PIGBOS1: variants seen among roughly 807,000 people sequenced by gnomAD.
PIGBOS1 encodes the protein protein PIGBOS1.
rs1277655788 is a variant in PIGBOS1, at chr15:55,317,730, T to A, written c.63A>T (p.Gly21=). 1.0e-5 allele frequency: 4 copies of A among 398,462 alleles called. No homozygotes were observed. Among genetic ancestry groups the A allele is most frequent in the Non-Finnish European group, 1.8e-5 (4 of 226,056 alleles). 24.7% of individuals were successfully genotyped at this position (398,462 alleles called of 1,614,324 possible). Residue 21 remains glycine (G), a synonymous_variant, in exon 2 of 2, where the codon GGA becomes GGT. Coordinates refer to ENST00000436697, the MANE Select transcript of PIGBOS1 (RefSeq NM_001308421.2). The part of the protein sequence containing the change: ...LFATVLGIAG[G]VYIFQPVFEQ... ...CAAATACTGGTTGAAAAATATATAC[T>A]CCTCCAGCAATTCCAAGGACAGTGG...
rs756155343 is a variant in PIGBOS1, at chr15:55,317,716, T to C, written c.77A>G (p.Gln26Arg). ...TTTGGCATACTGTTCAAATACTGGTTGAAAAATATATACTCCTCCAGCAAT... is the reference window on the plus strand; with the variant it reads ...TTTGGCATACTGTTCAAATACTGGTCGAAAAATATATACTCCTCCAGCAAT... Reference protein sequence around the residue: ...LGIAGGVYIFQPVFEQYAKDQ... With the variant: ...LGIAGGVYIFRPVFEQYAKDQ... Residue 26 changes from glutamine to arginine, a missense_variant, in exon 2 of 2, where the codon CAA (glutamine) becomes CGA (arginine). Gln to Arg is a conservative substitution (Grantham distance 43, BLOSUM62 1). Coordinates refer to ENST00000436697, the MANE Select transcript of PIGBOS1 (RefSeq NM_001308421.2). The C allele has an allele frequency of 5.0e-6, 2 of 398,536 alleles. No homozygotes were observed. The highest frequency in any genetic ancestry group is 8.8e-6 in the Non-Finnish European group (2 of 226,072). The allele number at this position is 398,536 out of a possible 1,614,324, so 24.7% of individuals were successfully genotyped here. A position where few individuals can be genotyped will look rare whatever the true frequency, so the allele number is the denominator to read the frequency against.
Position 55,318,986 on chromosome 15 carries a change from T to G in PIGBOS1, c.-198A>C, listed in dbSNP as rs974932117. The G allele has an allele frequency of 2.3e-6, 1 of 435,002 alleles. No homozygotes were observed. The highest frequency in any genetic ancestry group is 3.3e-5 in the South Asian group (1 of 30,106). 26.9% of individuals were successfully genotyped at this position (435,002 alleles called of 1,614,324 possible). On this transcript the variant is annotated 5_prime_UTR_variant, in exon 1 of 2. Transcript: ENST00000436697. The stretch of plus-strand genomic sequence containing the variant: ...CTAAACTCGCTACCGCCTGCTCCCC[T>G]CCAGAGACCGGGGGCCTTCCAGCAG...
rs971863124 is a variant in PIGBOS1, at chr15:55,319,060, A to G, written c.-272T>C. On this transcript the variant is annotated 5_prime_UTR_variant, in exon 1 of 2. Coordinates refer to ENST00000436697, the MANE Select transcript of PIGBOS1 (RefSeq NM_001308421.2). ...ACCGCCAAGCCAAAGGCGAGTAGCA[A>G]TCCCTCGGTTCGGAAACGGCGAAAG... 1 of 643,180 alleles carries G rather than the reference A, an allele frequency of 1.6e-6. No homozygotes were observed. 39.8% of individuals were successfully genotyped at this position (643,180 alleles called of 1,614,324 possible).
intron 1 of PIGBOS1, 104 bp downstream of exon 1, chr15:55,318,760 A>C (rs2055090862): frequency 6.5e-6 from 1 of 152,824 alleles, no homozygotes; most frequent in Non-Finnish European, 1.5e-5. Flanking sequence ...CAACAACAAA[A>C]AAAATAGGAA....
rs190590233 is a variant in PIGBOS1, at chr15:55,317,423, T to C, written c.*205A>G. 118 of 240,470 alleles carry C rather than the reference T, an allele frequency of 4.9e-4. 1 individual carries two copies. The East Asian group carries it at 6.8e-3, about 14-fold the overall frequency. The allele number at this position is 240,470 out of a possible 1,614,324, so 14.9% of individuals were successfully genotyped here. A position where few individuals can be genotyped will look rare whatever the true frequency, so the allele number is the denominator to read the frequency against. ...TCTGCCTCCCAGGTTCAAGTGATGC[T>C]CCTGCCTCAGCCTCCCAAGTAGCTG... On this transcript the variant is annotated 3_prime_UTR_variant, in exon 2 of 2. Coordinates refer to ENST00000436697, the MANE Select transcript of PIGBOS1 (RefSeq NM_001308421.2).
chr15:55,318,098 CTTTTTT>C (rs200901102), intron 1 of PIGBOS1, among the ~76,000 whole-genome samples: 5 of 131,416 alleles, frequency 3.8e-5, no homozygotes, highest in Admixed American at 7.4e-5. Flanking sequence ...CATACTTTTT[CTTTTTT>C]TTTTTTTTTT....
chr15:55,318,545 A>C (rs1305306504), intron 1 of PIGBOS1, among the ~76,000 whole-genome samples: 1 of 151,234 alleles, frequency 6.6e-6, no homozygotes, highest in Non-Finnish European at 1.5e-5. Flanking sequence ...TCTACAAAAA[A>C]ACACAAAAAT....
chr15:55,317,797 G>T lies in PIGBOS1; in HGVS notation c.-5C>A. 2.5e-6 allele frequency: 1 copy of T among 398,004 alleles called. No individual in the cohort carries two copies. The highest frequency in any genetic ancestry group is 4.4e-6 in the Non-Finnish European group (1 of 225,672). The allele number at this position is 398,004 out of a possible 1,614,324, so 24.7% of individuals were successfully genotyped here. On this transcript the variant is annotated 5_prime_UTR_variant, in exon 2 of 2. Transcript: ENST00000436697. ...AAAAGTCAATCTCCTAAACATTGCT[G>T]CAACAAATACAGCTCAAGGAAAAGC...
rs1198804032 is a variant in PIGBOS1, at chr15:55,318,984, C to A, written c.-196G>T. The A allele has an allele frequency of 6.9e-6, 3 of 432,094 alleles. No individual in the cohort carries two copies. Among genetic ancestry groups the A allele is most frequent in the Non-Finnish European group, 1.3e-5 (3 of 239,436 alleles). 26.8% of individuals were successfully genotyped at this position (432,094 alleles called of 1,614,324 possible). A position where few individuals can be genotyped will look rare whatever the true frequency, so the allele number is the denominator to read the frequency against. The stretch of plus-strand genomic sequence containing the variant: ...CACTAAACTCGCTACCGCCTGCTCC[C>A]CTCCAGAGACCGGGGGCCTTCCAGC... On this transcript the variant is annotated 5_prime_UTR_variant, in exon 1 of 2. Transcript: ENST00000436697.
Position 55,317,604 on chromosome 15 carries a change from C to T in PIGBOS1, c.*24G>A, listed in dbSNP as rs977161955. On this transcript the variant is annotated 3_prime_UTR_variant, in exon 2 of 2. Transcript: ENST00000436697. Reference sequence around the variant, plus strand: ...CTGGGATTACAGGCGTGAGCCACTGCGCCAGGCCTAACTCCATGTAGTATT... The same window carrying T: ...CTGGGATTACAGGCGTGAGCCACTGTGCCAGGCCTAACTCCATGTAGTATT... The T allele has an allele frequency of 2.8e-5, 11 of 396,378 alleles. No individual in the cohort carries two copies. Among genetic ancestry groups the T allele is most frequent in the East Asian group, 1.8e-4 (5 of 27,990 alleles). The allele number at this position is 396,378 out of a possible 1,614,324, so 24.6% of individuals were successfully genotyped here.
In PIGBOS1 at chr15:55,317,631, A is replaced by C. The variant is rs1386566233; in HGVS notation, c.162T>G (p.Ser54Arg). ...QLVQESEEKK[S>R] ...CCAGGCCTAACTCCATGTAGTATTA[A>C]CTTTTCTTCTCTTCTGATTCTTGTA... is the stretch of plus-strand genomic sequence containing the variant. The change falls in exon 2 of 2, where the codon AGT (serine) becomes AGG (arginine). Residue 54 changes from serine to arginine, a missense_variant. Ser to Arg is a moderately radical substitution (Grantham distance 110). Transcript: ENST00000436697. 3 of 398,036 alleles carry C rather than the reference A, an allele frequency of 7.5e-6. No individual in the cohort carries two copies. Among genetic ancestry groups the C allele is most frequent in the Admixed American group, 4.4e-5 (1 of 22,688 alleles). The allele number at this position is 398,036 out of a possible 1,614,324, so 24.7% of individuals were successfully genotyped here. A position where few individuals can be genotyped will look rare whatever the true frequency, so the allele number is the denominator to read the frequency against.
In PIGBOS1 at chr15:55,319,119, G is replaced by A. The variant is rs2055100584; in HGVS notation, c.-331C>T. The A allele has an allele frequency of 9.0e-7, 1 of 1,108,502 alleles. No homozygotes were observed. The highest frequency in any genetic ancestry group is 1.3e-6 in the Non-Finnish European group (1 of 797,514). 68.7% of individuals were successfully genotyped at this position (1,108,502 alleles called of 1,614,324 possible). ...AAGGAGGCCACCACGTCGGGTGGGAGCTACGAAGTTGCCCGTTCCCGGTTA... is the reference window on the plus strand; with the variant it reads ...AAGGAGGCCACCACGTCGGGTGGGAACTACGAAGTTGCCCGTTCCCGGTTA... On this transcript the variant is annotated 5_prime_UTR_variant, in exon 1 of 2. Coordinates refer to ENST00000436697, the MANE Select transcript of PIGBOS1 (RefSeq NM_001308421.2).
intron 1 of PIGBOS1, among the ~76,000 whole-genome samples, chr15:55,318,604 G>A (rs2055085462): frequency 6.6e-6 from 1 of 150,994 alleles, no homozygotes; most frequent in African/African-American, 2.4e-5. Context: ...TGGGAGCTGA[G>A]GCAGGAAAAT....
chr15:55,319,052 G>A lies in PIGBOS1; in HGVS notation c.-264C>T, dbSNP rs909094603. 4.9e-6 allele frequency: 3 copies of A among 615,724 alleles called. No homozygotes were observed. Among genetic ancestry groups the A allele is most frequent in the Admixed American group, 6.5e-5 (2 of 30,938 alleles). 38.1% of individuals were successfully genotyped at this position (615,724 alleles called of 1,614,324 possible). A position where few individuals can be genotyped will look rare whatever the true frequency, so the allele number is the denominator to read the frequency against. ...GCACAGAGACCGCCAAGCCAAAGGCGAGTAGCAATCCCTCGGTTCGGAAAC... is the reference window on the plus strand; with the variant it reads ...GCACAGAGACCGCCAAGCCAAAGGCAAGTAGCAATCCCTCGGTTCGGAAAC... On this transcript the variant is annotated 5_prime_UTR_variant, in exon 1 of 2. Coordinates refer to ENST00000436697, the MANE Select transcript of PIGBOS1 (RefSeq NM_001308421.2).
At position 55,318,450 on chromosome 15, in the gene PIGBOS1, A is replaced by T. The variant is rs531194112; in HGVS notation, c.-76+414T>A. Among the ~76,000 whole-genome samples the T allele has an allele frequency of 1.1e-3, 161 of 149,390 alleles. No homozygotes were observed. The Middle Eastern group carries it at 0.014, about 13-fold the overall frequency. ...CCGCACGCGGTGGCTCACGCCTGTA[A>T]TCCCAACACTTTGGGAGGCCGAGGC... On this transcript the variant is annotated intron_variant, in intron 1 of 1. Transcript: ENST00000436697.
chr15:55,318,229 C>T (rs982795946), intron 1 of PIGBOS1, among the ~76,000 whole-genome samples: 1 of 151,284 alleles, frequency 6.6e-6, no homozygotes, highest in South Asian at 2.1e-4. Context: ...TCCCGAGAAG[C>T]TGGGACTACA....
Position 55,319,082 on chromosome 15 carries a change from A to AAAGGAAACC in PIGBOS1, c.-303_-295dup. On this transcript the variant is annotated 5_prime_UTR_variant, in exon 1 of 2. Coordinates refer to ENST00000436697, the MANE Select transcript of PIGBOS1 (RefSeq NM_001308421.2). Reference sequence around the variant, plus strand: ...GCAATCCCTCGGTTCGGAAACGGCGAAAGGAAACCGCAAGGAGGCCACCAC... The same window carrying AAAGGAAACC: ...GCAATCCCTCGGTTCGGAAACGGCGAAAGGAAACCAAGGAAACCGCAAGGAGGCCACCAC... 1 of 789,566 alleles carries AAAGGAAACC rather than the reference A, an allele frequency of 1.3e-6. No individual in the cohort carries two copies. Among genetic ancestry groups the AAAGGAAACC allele is most frequent in the Non-Finnish European group, 1.9e-6 (1 of 521,096 alleles). The allele number at this position is 789,566 out of a possible 1,614,324, so 48.9% of individuals were successfully genotyped here.
Position 55,318,976 on chromosome 15 carries a change from C to T in PIGBOS1, c.-188G>A, listed in dbSNP as rs145298616. ...CTCCACGTCACTAAACTCGCTACCGCCTGCTCCCCTCCAGAGACCGGGGGC... is the reference window on the plus strand; with the variant it reads ...CTCCACGTCACTAAACTCGCTACCGTCTGCTCCCCTCCAGAGACCGGGGGC... On this transcript the variant is annotated 5_prime_UTR_variant, in exon 1 of 2. Transcript: ENST00000436697. The T allele has an allele frequency of 2.1e-4, 84 of 404,920 alleles. 1 individual carries two copies. The East Asian group carries it at 3.6e-3, about 17-fold the overall frequency. 25.1% of individuals were successfully genotyped at this position (404,920 alleles called of 1,614,324 possible).
chr15:55,318,075 A>G (rs1361200108), intron 1 of PIGBOS1, among the ~76,000 whole-genome samples: 1 of 151,600 alleles, frequency 6.6e-6, no homozygotes, highest in Non-Finnish European at 1.5e-5. Context: ...AATGTTCTCA[A>G]TGGTTTTAAA....
Sources: gnomAD v4.1 joint callset for allele counts (sites outside exome capture counted in the v4.1 genomes callset) on GRCh38, gnomAD v4.1.1 for gene constraint, MANE v1.5 for transcripts, NCBI Gene and HGNC (gene_info 2026-07-23, HGNC 2026-07-21) for gene names.